Variants in OCM observed in about 807,000 individuals in gnomAD.
The protein encoded by OCM is oncomodulin-1.
OCM carries 18 observed loss-of-function variants against 14.1 expected under a neutral mutation model. That is an observed-to-expected ratio of 1.28 (90% CI 0.88 to 1.89). The LOEUF is 1.89. Among genes scored for constraint, OCM ranks in the 40% most tolerant of loss-of-function variants. The pLI is 0.00. For synonymous variants in OCM, 48 were observed against 51.0 expected (o/e 0.94, Z 0.25); for missense variants, 140 against 137.6 (o/e 1.02, Z -0.09).
At chr7:5,880,166 C>G (rs1034905265), upstream of OCM, among the ~76,000 whole-genome samples, 8 of 152,176 alleles carry the variant, frequency 5.3e-5, no homozygotes, top group African/African-American at 1.9e-4. Context: ...GCAAGCAGCC[C>G]AAACTGTATC....
At chr7:5,884,555 T>C (rs1683726560) in intron 3 of OCM, among the ~76,000 whole-genome samples, 1 of 152,164 alleles carries the variant, frequency 6.6e-6, no homozygotes, top group South Asian at 2.1e-4. Flanking sequence ...GTTTGAGCTT[T>C]AGAATACACT....
chr7:5,860,894 G>C, the OCM span, among the ~76,000 whole-genome samples: 1 of 150,670 alleles, frequency 6.6e-6, no homozygotes, highest in South Asian at 2.1e-4. Context: ...TGTTGTTCCT[G>C]CTGAAAAAGT....
upstream of OCM, among the ~76,000 whole-genome samples, chr7:5,876,976 T>C (rs910406159): frequency 1.3e-5 from 2 of 152,172 alleles, no homozygotes; most frequent in African/African-American, 4.8e-5. Flanking sequence ...CGGCTAATTT[T>C]ATGTTTTTAG....
chr7:5,875,736 T>G (rs1255724306), upstream of OCM, among the ~76,000 whole-genome samples: 2 of 152,180 alleles, frequency 1.3e-5, no homozygotes, highest in African/African-American at 4.8e-5. Context: ...TATGGACAAT[T>G]GTAAACACTC....
intron 1 of OCM, 53 bp from the exon 2 acceptor site, chr7:5,882,440 A>G: frequency 6.3e-7 from 1 of 1,598,884 alleles, no homozygotes; most frequent in Non-Finnish European, 8.6e-7. Context: ...CCTTGGCCCC[A>G]ACATAGAATG....
At chr7:5,871,895 T>C in the OCM span, 1 of 152,182 alleles carries the variant, frequency 6.6e-6, no homozygotes, top group Non-Finnish European at 1.5e-5. Context: ...ACCTGATGGT[T>C]CCCTGCACCC....
chr7:5,869,205 G>A, the OCM span, among the ~76,000 whole-genome samples: 1 of 152,202 alleles, frequency 6.6e-6, no homozygotes, highest in African/African-American at 2.4e-5. Flanking sequence ...AACTCAGGAA[G>A]CATGAGTGTT....
intron 3 of OCM, among the ~76,000 whole-genome samples, chr7:5,884,977 G>A (rs1479183681): frequency 2.6e-5 from 4 of 151,888 alleles, no homozygotes; most frequent in South Asian, 2.1e-4. Flanking sequence ...AAAATTAGCC[G>A]GTCATGGTGG....
the OCM span, among the ~76,000 whole-genome samples, chr7:5,871,536 G>C: frequency 6.6e-6 from 1 of 151,978 alleles, no homozygotes; most frequent in African/African-American, 2.4e-5. Flanking sequence ...TTTCAGAGTT[G>C]TTGCCATGGT....
At position 5,880,896 on chromosome 7, in the gene OCM, A is replaced by C; in HGVS notation, c.7A>C (p.Ile3Leu). 4 of 1,614,100 alleles carry C rather than the reference A, an allele frequency of 2.5e-6. No individual in the cohort carries two copies. The highest frequency in any genetic ancestry group is 3.4e-6 in the Non-Finnish European group (4 of 1,179,960). MS[I>L]TDVLSADDIA... ...CTGTGTGAGTAGGTAGAAAATGAGCATCACGGACGTGCTCAGTGCTGACGA... is the reference window on the plus strand; with the variant it reads ...CTGTGTGAGTAGGTAGAAAATGAGCCTCACGGACGTGCTCAGTGCTGACGA... Residue 3 changes from isoleucine to leucine, a missense_variant, in exon 1 of 4, where the codon ATC (isoleucine) becomes CTC (leucine). Physicochemically the swap from Ile to Leu is conservative, Grantham distance 5. Transcript: ENST00000242104.
intron 3 of OCM, among the ~76,000 whole-genome samples, chr7:5,885,559 C>T (rs1416670211): frequency 2.6e-5 from 4 of 151,182 alleles, no homozygotes; most frequent in Non-Finnish European, 5.9e-5. Flanking sequence ...ACCCTGTGAA[C>T]TTCCTCGAGA....
chr7:5,876,509 A>T (rs184845349), upstream of OCM, among the ~76,000 whole-genome samples: 90 of 152,200 alleles, frequency 5.9e-4, no homozygotes, highest in Admixed American at 1.2e-3. Flanking sequence ...CGTATTTTCA[A>T]CTTCTTTTTG....
chr7:5,869,780 G>A, the OCM span, among the ~76,000 whole-genome samples: 1 of 151,936 alleles, frequency 6.6e-6, no homozygotes, highest in Non-Finnish European at 1.5e-5. Flanking sequence ...GCACGTGCTT[G>A]CCCTGGCAGC....
At chr7:5,876,625 G>A (rs1350592503), upstream of OCM, among the ~76,000 whole-genome samples, 1 of 152,176 alleles carries the variant, frequency 6.6e-6, no homozygotes, top group African/African-American at 2.4e-5. Flanking sequence ...TAGGGTGTCG[G>A]CTGGAGGTTT....
upstream of OCM, chr7:5,880,735 G>A (rs1312875864): frequency 4.6e-6 from 3 of 653,230 alleles, no homozygotes; most frequent in Middle Eastern, 4.2e-4. Context: ...CTCCAGCCTG[G>A]GTGACAGAGT....
chr7:5,861,542 T>C, the OCM span, among the ~76,000 whole-genome samples: 8 of 152,290 alleles, frequency 5.3e-5, 1 homozygote, highest in South Asian at 2.1e-4. Flanking sequence ...GGAAAACATG[T>C]TGAAGAGCGG....
chr7:5,875,495 T>C (rs2128605602), upstream of OCM, among the ~76,000 whole-genome samples: 1 of 152,202 alleles, frequency 6.6e-6, no homozygotes, highest in Non-Finnish European at 1.5e-5. Flanking sequence ...CTACAGAGAA[T>C]GGGAGTGTCA....
At chr7:5,860,803 CACAT>C in the OCM span, among the ~76,000 whole-genome samples, 26 of 75,210 alleles carry the variant, frequency 3.5e-4, 2 homozygotes, top group South Asian at 1.0e-3. Flanking sequence ...TATATATACA[CACAT>C]ACACACATAC....
At chr7:5,869,465 G>A in the OCM span, among the ~76,000 whole-genome samples, 2 of 152,144 alleles carry the variant, frequency 1.3e-5, no homozygotes, top group African/African-American at 4.8e-5. Flanking sequence ...AGGCATGGTG[G>A]TGTGTGCCTG....
Sources: allele counts gnomAD v4.1 joint callset (sites outside exome capture counted in the v4.1 genomes callset), GRCh38; gene constraint gnomAD v4.1.1; transcripts MANE v1.5; gene names NCBI Gene and HGNC (gene_info 2026-07-23, HGNC 2026-07-21).